The following MKRN1 variants were observed in gnomAD, a reference collection of about 807,000 sequenced individuals.
The protein encoded by MKRN1 is makorin ring finger protein 1.
MKRN1 carries 9 observed loss-of-function variants against 55.5 expected under a neutral mutation model. The observed-to-expected ratio is 0.16, with a 90% CI of 0.10 to 0.28. The LOEUF (loss-of-function observed/expected upper bound fraction) is 0.28, where lower values mean the gene tolerates loss of function less well. MKRN1 is among the 10% of genes least tolerant of loss of function. The pLI is 1.00. For missense variants in MKRN1, 488 were observed against 626.7 expected, an observed-to-expected ratio of 0.78 and a Z score of 2.36; for synonymous variants, 253 against 235.9, an observed-to-expected ratio of 1.07 and a Z score of -0.66.
intron 1 of MKRN1, among the ~76,000 whole-genome samples, chr7:140,474,643 A>G (rs998304040): frequency 6.6e-5 from 10 of 152,128 alleles, no homozygotes; most frequent in African/African-American, 2.2e-4. Context: ...CACAACCACT[A>G]TGTAGTTTCC....
chr7:140,472,177 T>C (rs1794947914), intron 1 of MKRN1, 166 bp from the exon 2 acceptor site: 12 of 952,608 alleles, frequency 1.3e-5, no homozygotes, highest in Middle Eastern at 3.4e-4. Context: ...CCCAGTACCT[T>C]TGGGAGGCTG....
At position 140,454,641 on chromosome 7, in the gene MKRN1, A is replaced by G; in HGVS notation, c.1325T>C (p.Phe442Ser). ...FDNDEEEVVT[F>S]ELGEMLLMLL... ...CATAAGCAACATCTCGCCCAGCTCA[A>G]AGGTGACAACCTCTTCTTCATCGTT... Residue 442 changes from phenylalanine (F) to serine (S), a missense_variant, in exon 8 of 8, where the codon TTT becomes TCT. Around this residue, in one of 2 missense-constraint regions of MKRN1, gnomAD observed 278 missense variants for 406.7 expected, o/e 0.68. Transcript: ENST00000255977. The G allele has an allele frequency of 6.2e-7, 1 of 1,613,948 alleles. No individual in the cohort carries two copies. Among genetic ancestry groups the G allele is most frequent in the African/African-American group, 1.3e-5 (1 of 75,030 alleles).
At chr7:140,455,551 G>A (rs1046288287) in intron 6 of MKRN1, 4 of 558,606 alleles carry the variant, frequency 7.2e-6, no homozygotes, top group Non-Finnish European at 9.5e-6. Flanking sequence ...CCCCACTCAT[G>A]GGGCCTTACT....
chr7:140,474,847 T>G (rs1795073925), intron 1 of MKRN1, among the ~76,000 whole-genome samples: 1 of 151,276 alleles, frequency 6.6e-6, no homozygotes, highest in African/African-American at 2.4e-5. Flanking sequence ...GCCTCCAGAG[T>G]GGCTGGGATT....
intron 2 of MKRN1, among the ~76,000 whole-genome samples, chr7:140,468,139 A>G (rs1794824691): frequency 6.6e-6 from 1 of 152,072 alleles, no homozygotes; most frequent in Non-Finnish European, 1.5e-5. Context: ...CTAATTATCT[A>G]TAGCTTTCTG....
chr7:140,459,192 T>C lies in MKRN1; in HGVS notation c.586A>G (p.Thr196Ala), dbSNP rs772316316. 1.4e-5 allele frequency: 23 copies of C among 1,613,986 alleles called. No homozygotes were observed. Among genetic ancestry groups the C allele is most frequent in the Non-Finnish European group, 1.9e-5 (22 of 1,179,866 alleles). ...CTEAPLQGSV[T>A]KEESEKEQTA... ...TGCTCTTTCTCTGATTCTTCCTTGG[T>C]CACTGAGCCCTGCAGGGGTGCTTCA... Residue 196 changes from threonine (T) to alanine (A), a missense_variant, in exon 4 of 8, where the codon ACC becomes GCC. Physicochemically the swap from Thr to Ala is moderately conservative, Grantham distance 58. Transcript: ENST00000255977.
chr7:140,474,439 G>A (rs375578575), intron 1 of MKRN1: 11 of 363,712 alleles, frequency 3.0e-5, no homozygotes, highest in Admixed American at 2.1e-4. Context: ...CAGTGGGTTG[G>A]GGGGGGCCCA....
intron 2 of MKRN1, 92 bp from the exon 3 acceptor site, chr7:140,460,028 C>G: frequency 8.9e-7 from 1 of 1,124,318 alleles, no homozygotes; most frequent in Non-Finnish European, 1.3e-6. Context: ...GGGTGGATCA[C>G]CAGAGAGGTT....
rs1795223522 is a variant in MKRN1, at chr7:140,479,323, C to T, written c.22G>A (p.Gly8Arg). The T allele has an allele frequency of 3.1e-6, 4 of 1,309,894 alleles. No homozygotes were observed. The highest frequency in any genetic ancestry group is 3.9e-6 in the Non-Finnish European group (4 of 1,024,858). 81.1% of individuals were successfully genotyped at this position (1,309,894 alleles called of 1,614,324 possible). Residue 8 changes from glycine (G) to arginine (R), a missense_variant, in exon 1 of 8, where the codon GGA becomes AGA. By Grantham distance (125) the Gly-to-Arg change is moderately radical. Coordinates refer to ENST00000255977, the MANE Select transcript of MKRN1 (RefSeq NM_013446.4). MAEAATP[G>R]TTATTSGAGA... is the part of the protein sequence containing the mutation. ...GCTCCTGATGTTGTGGCTGTTGTTC[C>T]GGGAGTTGCAGCCTCCGCCATTACT...
At chr7:140,461,505 C>A (rs577537641) in intron 2 of MKRN1, among the ~76,000 whole-genome samples, 11 of 151,206 alleles carry the variant, frequency 7.3e-5, no homozygotes, top group African/African-American at 2.7e-4. Context: ...TGGTGGCGCA[C>A]ACCTGTAATA....
rs71272543 is a variant in MKRN1, at chr7:140,474,005, AAAAGAAAGAAAGAAAGAAAG to A, written c.186-2014_186-1995del. Among the ~76,000 whole-genome samples, 391 of 65,656 alleles carry A rather than the reference AAAAGAAAGAAAGAAAGAAAG, an allele frequency of 6.0e-3. 18 individuals are homozygous for A. The highest frequency in any genetic ancestry group is 0.024 in the African/African-American group (250 of 10,416). 43.1% of individuals were successfully genotyped at this position (65,656 alleles called of 152,430 possible). A position where few individuals can be genotyped will look rare whatever the true frequency, so the allele number is the denominator to read the frequency against. ...GAAACTCCGTCTCAAAAAAAAAAAA[AAAAGAAAGAAAGAAAGAAAG>A]AAAGAAAGAAAGAAAGAAAGAAAGA... is the stretch of plus-strand genomic sequence containing the variant. On this transcript the variant is annotated intron_variant, in intron 1 of 7. Transcript: ENST00000255977.
chr7:140,472,473 T>C (rs1794957798), intron 1 of MKRN1: 1 of 158,032 alleles, frequency 6.3e-6, no homozygotes, highest in Admixed American at 6.3e-5. Context: ...AAAACAGGAG[T>C]AAAGCAAGTG....
intron 2 of MKRN1, among the ~76,000 whole-genome samples, chr7:140,464,746 G>T (rs1794722597): frequency 7.0e-6 from 1 of 142,514 alleles, no homozygotes; most frequent in Non-Finnish European, 1.5e-5. Flanking sequence ...TGGTTTAAAA[G>T]ATAATTTCCA....
At chr7:140,456,472 G>A in intron 5 of MKRN1, 180 bp downstream of exon 5, 1 of 1,428,564 alleles carries the variant, frequency 7.0e-7, no homozygotes. Context: ...AATAAAAGTA[G>A]ATAGACCAAC....
chr7:140,459,075 A>C lies in MKRN1; in HGVS notation c.703T>G (p.Ser235Ala), dbSNP rs1387560171. 3.7e-6 allele frequency: 6 copies of C among 1,613,834 alleles called. No homozygotes were observed. The highest frequency in any genetic ancestry group is 5.1e-6 in the Non-Finnish European group (6 of 1,179,876). ...ACCTGCAGCCCACACATGTCACAAG[A>C]ATCTCCGTGGAGATACACACAGTTC... The part of the protein sequence containing the change: ...GENCVYLHGD[S>A]CDMCGLQVLH... The change falls in exon 4 of 8, where the codon TCT becomes GCT. Residue 235 changes from serine to alanine, a missense_variant. This residue lies in a region of MKRN1 where 278 missense variants were observed against 406.7 expected (regional missense o/e 0.68). Transcript: ENST00000255977.
chr7:140,469,352 T>A (rs1461827141), intron 2 of MKRN1, among the ~76,000 whole-genome samples: 2 of 151,668 alleles, frequency 1.3e-5, no homozygotes. Context: ...ACTATGACAC[T>A]GTCAAAAGTC....
At chr7:140,455,618 G>A in intron 6 of MKRN1, 172 bp downstream of exon 6, 3 of 609,010 alleles carry the variant, frequency 4.9e-6, no homozygotes, top group Non-Finnish European at 8.7e-6. Context: ...CCCAAGGACT[G>A]TGTTATAGCA....
At position 140,464,258 on chromosome 7, in the gene MKRN1, G is replaced by C. The variant is rs557845481; in HGVS notation, c.315-4322C>G. On this transcript the variant is annotated intron_variant, in intron 2 of 7. Transcript: ENST00000255977. ...TTTCAGATTAAGTAACTCCCTTGGA[G>C]CCAAGCTTCATGGCTCCAGCCTATA... is the stretch of plus-strand genomic sequence containing the variant. 3.8e-4 allele frequency among the ~76,000 whole-genome samples: 58 copies of C among 152,252 alleles called. 1 individual carries two copies. The highest frequency in any genetic ancestry group is 1.4e-3 in the African/African-American group (57 of 41,568).
rs77526235 is a variant in MKRN1 at position 140,456,989 on chromosome 7, T to G, written c.772-123A>C. The G allele has an allele frequency of 3.7e-3, 3,766 of 1,024,044 alleles. 86 individuals carry two copies. In the African/African-American group the frequency reaches 0.055, roughly 15 times the overall value. 63.4% of individuals were successfully genotyped at this position (1,024,044 alleles called of 1,614,324 possible). On this transcript the variant is annotated intron_variant, in intron 4 of 7. Transcript: ENST00000255977. ...AACTGAAAAAACAATGTTCCCAAGC[T>G]GACACGAAAATTAGCTTTGCTGACA...
Sources: allele counts gnomAD v4.1 joint callset (sites outside exome capture counted in the v4.1 genomes callset), GRCh38; gene constraint gnomAD v4.1.1; regional missense constraint gnomAD v4.1.1; transcripts MANE v1.5; gene names NCBI Gene and HGNC (gene_info 2026-07-23, HGNC 2026-07-21).